Variants in CFAP74 observed in about 807,000 individuals in gnomAD.
CFAP74 encodes cilia- and flagella-associated protein 74.
In CFAP74, 124 loss-of-function variants were observed where a neutral mutation model predicts 188.9. The ratio of observed to expected loss-of-function variants is 0.66; its 90% CI spans 0.57 to 0.76. CFAP74 has a LOEUF of 0.76. Among genes scored for constraint, CFAP74 ranks in the 30% least tolerant of loss-of-function variants. The pLI is 0.00. For synonymous variants in CFAP74, 956 were observed against 916.7 expected (o/e 1.04, Z -0.77); for missense variants, 2,198 against 2,165.2 (o/e 1.02, Z -0.30).
intron 16 of CFAP74, among the ~76,000 whole-genome samples, chr1:1,957,136 G>A (rs1302019854): frequency 2.0e-5 from 3 of 152,212 alleles, no homozygotes; most frequent in Non-Finnish European, 4.4e-5. Flanking sequence ...AGGTCAGCTG[G>A]ACTCTGGATA....
intron 25 of CFAP74, among the ~76,000 whole-genome samples, chr1:1,932,396 CAAAAA>C (rs374579472): frequency 1.0e-5 from 1 of 98,254 alleles, no homozygotes; most frequent in Non-Finnish European, 2.0e-5. Context: ...GACTCTGTCT[CAAAAA>C]AAAAAAAAAA....
Position 1,970,834 on chromosome 1 carries a change from C to T in CFAP74, c.889-18G>A. The T allele has an allele frequency of 1.9e-6, 3 of 1,613,266 alleles. No homozygotes were observed. Among genetic ancestry groups the T allele is most frequent in the Non-Finnish European group, 2.5e-6 (3 of 1,179,504 alleles). ...AGTGTGTCCTTGGAAACAGAGAGCA[C>T]TGAGATGACAGCAGCAGCACCCACG... On this transcript the variant is annotated intron_variant, in intron 9 of 38. Transcript: ENST00000682832.
chr1:1,973,328 G>A lies in CFAP74; in HGVS notation c.675-281C>T, dbSNP rs3795286. On this transcript the variant is annotated intron_variant, in intron 7 of 38. Transcript: ENST00000682832. This position sits in a 1 kb window ranked among gnomAD's most constrained non-coding sequence, Gnocchi z 6.2. ...GGCAGGGGTCTGGGAAGAGGACGGT[G>A]CAGGCACAGCAGTGCTGTGGGGAGG... is the stretch of plus-strand genomic sequence containing the variant. Among the ~76,000 whole-genome samples the A allele has an allele frequency of 0.079, 11,982 of 152,222 alleles. 1,401 individuals carry two copies. The highest frequency in any genetic ancestry group is 0.26 in the African/African-American group (10,739 of 41,488).
At chr1:1,971,086 TACATGCACACCTGCACACGTGTGCACAC>T (rs1330264149) in intron 9 of CFAP74, among the ~76,000 whole-genome samples, 6 of 121,772 alleles carry the variant, frequency 4.9e-5, no homozygotes, top group Non-Finnish European at 1.0e-4. Context: ...CACACACTCA[TACATGCACACCTGCACACGTGTGCACAC>T]ACATGCTCAC....
chr1:1,931,365 G>A (rs1327447174), intron 25 of CFAP74, among the ~76,000 whole-genome samples: 20 of 147,726 alleles, frequency 1.4e-4, no homozygotes, highest in Non-Finnish European at 2.8e-4. Flanking sequence ...TGGAGACGGA[G>A]CTTGCAGTGA....
intron 33 of CFAP74, 132 bp downstream of exon 33, chr1:1,925,651 G>A: frequency 8.5e-6 from 8 of 944,130 alleles, no homozygotes; most frequent in Non-Finnish European, 6.2e-6. Context: ...TAGAGGAGGG[G>A]TAGAGGGGGC....
rs1654893118 is a variant in CFAP74 at position 1,959,268 on chromosome 1, T to G, written c.1762-59A>C. The G allele has an allele frequency of 4.8e-6, 6 of 1,263,078 alleles. No homozygotes were observed. The African/African-American group carries it at 7.5e-5, about 16-fold the overall frequency. 78.2% of individuals were successfully genotyped at this position (1,263,078 alleles called of 1,614,324 possible). A position where few individuals can be genotyped will look rare whatever the true frequency, so the allele number is the denominator to read the frequency against. ...TTCTGCAACTTTTGTGTGTTTTGTT[T>G]TTTTTTTGGACAGGGTCTGGCTCTG... On this transcript the variant is annotated intron_variant, in intron 15 of 38. Coordinates refer to ENST00000682832, the MANE Select transcript of CFAP74 (RefSeq NM_001304360.2).
Position 1,988,264 on chromosome 1 carries a change from C to A in CFAP74, c.296+248G>T, listed in dbSNP as rs4606253. The A allele has an allele frequency of 6.7e-3, 4,354 of 651,728 alleles. 149 individuals carry two copies. The African/African-American group carries it at 0.068, about 10-fold the overall frequency. The allele number at this position is 651,728 out of a possible 1,614,324, so 40.4% of individuals were successfully genotyped here. A position where few individuals can be genotyped will look rare whatever the true frequency, so the allele number is the denominator to read the frequency against. ...GCTACAACGAAAGCTTGACAGGTGG[C>A]AACTCTGGGTGGCGCTGGGGGCAGC... On this transcript the variant is annotated intron_variant, in intron 4 of 38. Coordinates refer to ENST00000682832, the MANE Select transcript of CFAP74 (RefSeq NM_001304360.2).
chr1:1,955,254 G>T, intron 18 of CFAP74: 1 of 1,292,260 alleles, frequency 7.7e-7, no homozygotes. Flanking sequence ...CCCGATGGCG[G>T]CGGGCTGCAG....
intron 1 of CFAP74, among the ~76,000 whole-genome samples, chr1:1,995,835 G>A (rs1428869650): frequency 6.6e-6 from 1 of 151,640 alleles, no homozygotes; most frequent in Non-Finnish European, 1.5e-5. Flanking sequence ...ATGAACCCGG[G>A]AGGCGGAACT....
At chr1:1,985,248 C>T (rs745914608) in intron 6 of CFAP74, 138 bp downstream of exon 6, 12 of 675,916 alleles carry the variant, frequency 1.8e-5, no homozygotes, top group Non-Finnish European at 2.4e-5. Flanking sequence ...CTGCATTCAC[C>T]GAGTCCCCTT....
chr1:1,950,260 G>C (rs988539668), intron 18 of CFAP74, among the ~76,000 whole-genome samples: 3 of 151,612 alleles, frequency 2.0e-5, no homozygotes, highest in Non-Finnish European at 4.4e-5. Flanking sequence ...TAATGATGTT[G>C]AGCGTCTTTT....
In CFAP74 at chr1:1,944,468, G is replaced by A; in HGVS notation, c.2365-16C>T. The stretch of plus-strand genomic sequence containing the variant: ...TGAAATGCAGCTGCATATGGACACA[G>A]GAGCTCAGCAACAGGAGTTCCTTGG... On this transcript the variant is annotated splice_polypyrimidine_tract_variant and intron_variant, in intron 20 of 38. Transcript: ENST00000682832. 1 of 1,534,868 alleles carries A rather than the reference G, an allele frequency of 6.5e-7. No homozygotes were observed. Among genetic ancestry groups the A allele is most frequent in the Non-Finnish European group, 8.7e-7 (1 of 1,145,920 alleles).
chr1:1,941,149 A>T (rs761114642), intron 22 of CFAP74, among the ~76,000 whole-genome samples: 6 of 152,164 alleles, frequency 3.9e-5, no homozygotes, highest in Non-Finnish European at 8.8e-5. Context: ...TATCAGGAGA[A>T]GTAAAATAAG....
At chr1:1,941,269 C>T (rs1421610695) in intron 22 of CFAP74, among the ~76,000 whole-genome samples, 6 of 152,228 alleles carry the variant, frequency 3.9e-5, no homozygotes, top group Non-Finnish European at 7.3e-5. Context: ...CCACCAGGCC[C>T]GTGCCTGCTG....
rs544201819 is a variant in CFAP74, at chr1:1,942,818, C to A, written c.2487-662G>T. Among the ~76,000 whole-genome samples the A allele has an allele frequency of 4.6e-5, 7 of 152,162 alleles. No individual in the cohort carries two copies. The highest frequency in any genetic ancestry group is 8.8e-5 in the Non-Finnish European group (6 of 68,004). On this transcript the variant is annotated intron_variant, in intron 21 of 38. Coordinates refer to ENST00000682832, the MANE Select transcript of CFAP74 (RefSeq NM_001304360.2). The surrounding 1 kb of genome is among the most constrained non-coding windows in gnomAD (Gnocchi z 4.3). ...CTGCTAAACAGTGTTGTGGCCGCCCCGCCACAGCTGCCCCGGGCAATCCAC... is the reference window on the plus strand; with the variant it reads ...CTGCTAAACAGTGTTGTGGCCGCCCAGCCACAGCTGCCCCGGGCAATCCAC...
In CFAP74 at chr1:1,940,340, C is replaced by T. The variant is rs999410110; in HGVS notation, c.2679G>A (p.Pro893=). ...FDKETRVLEA[P]MTIWVADQNK... ...CCTGGTCGGCAACCCATATGGTCATCGGGGCCTCCAGGACTCGGGTCTCCT... is the reference window on the plus strand; with the variant it reads ...CCTGGTCGGCAACCCATATGGTCATTGGGGCCTCCAGGACTCGGGTCTCCT... Residue 893 remains proline, a synonymous_variant, in exon 23 of 39, where the codon CCG becomes CCA. Transcript: ENST00000682832. The T allele has an allele frequency of 3.7e-5, 57 of 1,535,722 alleles. No individual in the cohort carries two copies. The highest frequency in any genetic ancestry group is 1.7e-4 in the Middle Eastern group (1 of 5,974).
At chr1:1,992,311 A>C (rs1558066844) in intron 1 of CFAP74, among the ~76,000 whole-genome samples, 1 of 152,024 alleles carries the variant, frequency 6.6e-6, no homozygotes, top group Non-Finnish European at 1.5e-5. Context: ...CTACACGCAC[A>C]TGCCGCCATG....
At chr1:1,934,873 G>A (rs199862943) in intron 25 of CFAP74, among the ~76,000 whole-genome samples, 3,421 of 39,040 alleles carry the variant, frequency 0.088, 14 homozygotes, top group East Asian at 0.16. Flanking sequence ...ACACGTGTGT[G>A]CGTGGGTGTT....
Sources: allele counts gnomAD v4.1 joint callset (sites outside exome capture counted in the v4.1 genomes callset), GRCh38; gene constraint gnomAD v4.1.1; non-coding constraint Gnocchi (gnomAD v3.1); transcripts MANE v1.5; gene names NCBI Gene and HGNC (gene_info 2026-07-23, HGNC 2026-07-21).